The following TOX2 variants were observed in gnomAD, a reference collection of about 807,000 sequenced individuals.
TOX2 encodes the protein TOX high mobility group box family member 2, also known as granulosa cell HMG box 1.
In TOX2, 15 loss-of-function variants were observed where a neutral mutation model predicts 47.4. The observed-to-expected ratio is 0.32, with a 90% CI of 0.21 to 0.49. The LOEUF is 0.49. Ranked by LOEUF, TOX2 falls within the 20% of genes least tolerant of loss-of-function variation. The pLI, the probability that TOX2 is intolerant of heterozygous loss-of-function variation, is 0.99. For missense variants in TOX2, 622 were observed against 673.1 expected (o/e 0.92, Z 0.84); for synonymous variants, 290 against 296.6 (o/e 0.98, Z 0.23).
intron 3 of TOX2, chr20:44,039,261 A>G: frequency 7.8e-7 from 1 of 1,289,476 alleles, no homozygotes; most frequent in Non-Finnish European, 1.0e-6. Flanking sequence ...CACAGAGGGC[A>G]GGTGTCCAGT....
intron 2 of TOX2, among the ~76,000 whole-genome samples, chr20:43,981,137 G>C (rs1182289004): frequency 6.6e-6 from 1 of 152,194 alleles, no homozygotes; most frequent in African/African-American, 2.4e-5. Flanking sequence ...TTACCAATTG[G>C]ATTGACCAAA....
intron 1 of TOX2, among the ~76,000 whole-genome samples, chr20:43,917,847 T>G (rs1027572146): frequency 1.3e-5 from 2 of 152,186 alleles, no homozygotes; most frequent in Non-Finnish European, 2.9e-5. Flanking sequence ...TGAAGAAGAC[T>G]CATTACTATT....
chr20:44,026,244 TATATAGACAC>T lies in TOX2; in HGVS notation c.411+19454_411+19463del, dbSNP rs1294349339. Among the ~76,000 whole-genome samples the T allele has an allele frequency of 4.8e-4, 49 of 101,666 alleles. 8 individuals carry two copies. The highest frequency in any genetic ancestry group is 1.4e-3 in the East Asian group (5 of 3,652). 66.7% of individuals were successfully genotyped at this position (101,666 alleles called of 152,430 possible). A position where few individuals can be genotyped will look rare whatever the true frequency, so the allele number is the denominator to read the frequency against. On this transcript the variant is annotated intron_variant, in intron 3 of 8. Transcript: ENST00000341197. ...AGAAACTGTGATATATATATATATA[TATATAGACAC>T]ACACACACACAATGGAATACTACTC...
chr20:43,945,806 A>C, intron 1 of TOX2: 1 of 1,482,150 alleles, frequency 6.7e-7, no homozygotes, highest in Non-Finnish European at 9.2e-7. Context: ...TACGAATGGG[A>C]TGGGGGGTGG....
intron 1 of TOX2, among the ~76,000 whole-genome samples, chr20:43,950,298 G>A (rs543711461): frequency 1.9e-4 from 29 of 152,284 alleles, no homozygotes; most frequent in African/African-American, 6.7e-4. Context: ...CGGCTCTGAG[G>A]CCCTGCTGAG....
chr20:44,030,504 C>A (rs188419524), intron 3 of TOX2, among the ~76,000 whole-genome samples: 1 of 152,246 alleles, frequency 6.6e-6, no homozygotes, highest in African/African-American at 2.4e-5. Context: ...GCCTGTGACT[C>A]TAAGCTCCTC....
intron 5 of TOX2, among the ~76,000 whole-genome samples, chr20:44,055,126 T>C (rs867902904): frequency 6.6e-6 from 1 of 152,208 alleles, no homozygotes. Flanking sequence ...CTTTCCTGTT[T>C]GGTAGAGACA....
rs139258478 is a variant in TOX2 at position 44,022,087 on chromosome 20, A to G, written c.411+15295A>G. Among the ~76,000 whole-genome samples, 156 of 152,350 alleles carry G rather than the reference A, an allele frequency of 1.0e-3. 2 individuals carry two copies. The highest frequency in any genetic ancestry group is 3.7e-3 in the African/African-American group (152 of 41,588). On this transcript the variant is annotated intron_variant, in intron 3 of 8. Coordinates refer to ENST00000341197, the MANE Select transcript of TOX2 (RefSeq NM_001098797.2). ...ACATGCGTCCACAGCACAAGTGAGCAATGGCCGGCCGATGACGCTGGAGAC... is the reference window on the plus strand; with the variant it reads ...ACATGCGTCCACAGCACAAGTGAGCGATGGCCGGCCGATGACGCTGGAGAC...
intron 1 of TOX2, among the ~76,000 whole-genome samples, chr20:43,963,318 G>A (rs1600687609): frequency 1.3e-5 from 2 of 152,318 alleles, no homozygotes; most frequent in South Asian, 4.1e-4. Flanking sequence ...ACTCTTGTTG[G>A]GGGTGGGGAC....
At chr20:43,992,032 GA>G (rs2145552542) in intron 2 of TOX2, among the ~76,000 whole-genome samples, 1 of 152,342 alleles carries the variant, frequency 6.6e-6, no homozygotes, top group East Asian at 1.9e-4. Context: ...GTGCCAGCAG[GA>G]GCTGCACTTG....
chr20:44,039,352 C>A, intron 3 of TOX2: 1 of 1,260,490 alleles, frequency 7.9e-7, no homozygotes, highest in Non-Finnish European at 1.0e-6. Flanking sequence ...TACAGATCCT[C>A]ATGGAGCATT....
intron 5 of TOX2, among the ~76,000 whole-genome samples, chr20:44,059,894 T>C (rs574248020): frequency 1.2e-4 from 18 of 152,266 alleles, no homozygotes; most frequent in Admixed American, 3.9e-4. Flanking sequence ...ACGAATAGAA[T>C]AGTACCTCAC....
chr20:44,062,227 C>A (rs546044128), intron 5 of TOX2, among the ~76,000 whole-genome samples: 1 of 152,162 alleles, frequency 6.6e-6, no homozygotes, highest in Admixed American at 6.5e-5. Flanking sequence ...AAAGACTCAT[C>A]CAAAAAGCTC....
intron 3 of TOX2, among the ~76,000 whole-genome samples, chr20:44,014,128 C>CA (rs55721806): frequency 0.63 from 33,954 of 53,518 alleles, 12,187 homozygotes; most frequent in East Asian, 0.79. Context: ...GAGACTATCT[C>CA]AAAAAAAAAA....
At chr20:44,063,255 C>T (rs2071752529) in intron 5 of TOX2, among the ~76,000 whole-genome samples, 1 of 152,110 alleles carries the variant, frequency 6.6e-6, no homozygotes, top group Admixed American at 6.6e-5. Flanking sequence ...GGACTAATAT[C>T]CAGAATCTAC....
At chr20:44,046,595 A>G (rs2071412089) in intron 3 of TOX2, among the ~76,000 whole-genome samples, 2 of 152,238 alleles carry the variant, frequency 1.3e-5, no homozygotes, top group Admixed American at 6.5e-5. Flanking sequence ...CTATACATAC[A>G]AGGGTGTATT....
chr20:44,032,915 G>A (rs1266123207), intron 3 of TOX2, among the ~76,000 whole-genome samples: 1 of 152,234 alleles, frequency 6.6e-6, no homozygotes, highest in Non-Finnish European at 1.5e-5. Flanking sequence ...CAGGAATGGG[G>A]CTGTTGCCTT....
intron 5 of TOX2, among the ~76,000 whole-genome samples, chr20:44,060,644 C>T (rs1288040457): frequency 6.6e-6 from 1 of 152,038 alleles, no homozygotes; most frequent in African/African-American, 2.4e-5. Flanking sequence ...GTTAAATAAC[C>T]TGCTCCTGAA....
chr20:44,030,922 C>T (rs2071140167), intron 3 of TOX2, among the ~76,000 whole-genome samples: 1 of 152,130 alleles, frequency 6.6e-6, no homozygotes, highest in East Asian at 1.9e-4. Context: ...TATATCTGCA[C>T]AATTAAAAAG....
Sources: allele counts gnomAD v4.1 joint callset (sites outside exome capture counted in the v4.1 genomes callset), GRCh38; gene constraint gnomAD v4.1.1; transcripts MANE v1.5; gene names NCBI Gene and HGNC (gene_info 2026-07-23, HGNC 2026-07-21).